DYNC1I1: variants seen among roughly 807,000 people sequenced by gnomAD.
DYNC1I1 encodes the protein cytoplasmic dynein 1 intermediate chain 1.
DYNC1I1 carries 43 observed loss-of-function variants against 86.6 expected under a neutral mutation model. The observed-to-expected ratio is 0.50, with a 90% CI of 0.39 to 0.64. The LOEUF is 0.64. Ranked by LOEUF, DYNC1I1 falls within the 30% of genes least tolerant of loss-of-function variation. DYNC1I1 has a pLI of 0.00. For missense variants in DYNC1I1, 604 were observed against 788.8 expected (o/e 0.77, Z 2.81); for synonymous variants, 262 against 283.7 (o/e 0.92, Z 0.77).
chr7:96,010,158 C>G lies in DYNC1I1; in HGVS notation c.969+14085C>G, dbSNP rs1229939158. Among the ~76,000 whole-genome samples the G allele has an allele frequency of 2.0e-5, 3 of 152,088 alleles. No homozygotes were observed. The East Asian group carries it at 5.8e-4, about 29-fold the overall frequency. On this transcript the variant is annotated intron_variant, in intron 10 of 16. Transcript: ENST00000447467. The stretch of plus-strand genomic sequence containing the variant: ...TGTCTTTGAGGAATCTGTCCCTGCC[C>G]CACTAGGTCAAAAGCAAGAATAGGT...
intron 6 of DYNC1I1, among the ~76,000 whole-genome samples, chr7:95,900,878 C>T (rs1791020591): frequency 6.6e-6 from 1 of 152,072 alleles, no homozygotes; most frequent in East Asian, 1.9e-4. Context: ...ATATTTTAGA[C>T]TGTGTTCCTT....
intron 7 of DYNC1I1, among the ~76,000 whole-genome samples, chr7:95,978,363 G>T (rs1038497719): frequency 1.3e-5 from 2 of 151,962 alleles, no homozygotes; most frequent in East Asian, 1.9e-4. Context: ...TAAGTAGAAA[G>T]AAAGAAAAAA....
chr7:95,890,171 G>A (rs1234530189), intron 6 of DYNC1I1, among the ~76,000 whole-genome samples: 1 of 152,100 alleles, frequency 6.6e-6, no homozygotes, highest in African/African-American at 2.4e-5. Flanking sequence ...GCAAATATAT[G>A]GAATCAACCT....
chr7:95,992,629 C>CTTTTTTTTT (rs928295905), intron 9 of DYNC1I1, among the ~76,000 whole-genome samples: 59 of 148,088 alleles, frequency 4.0e-4, no homozygotes, highest in African/African-American at 1.2e-3. Flanking sequence ...ATGCTAGGTT[C>CTTTTTTTTT]TTTTTTTTTT....
At chr7:95,892,735 C>A (rs565131076) in intron 6 of DYNC1I1, among the ~76,000 whole-genome samples, 25 of 152,344 alleles carry the variant, frequency 1.6e-4, no homozygotes, top group Admixed American at 7.2e-4. Flanking sequence ...GTGTGAGCCA[C>A]CGCACCTGGC....
At chr7:95,784,606 A>G (rs1269149620) in intron 1 of DYNC1I1, among the ~76,000 whole-genome samples, 1 of 152,208 alleles carries the variant, frequency 6.6e-6, no homozygotes, top group Non-Finnish European at 1.5e-5. Context: ...TTTGGCAAAT[A>G]GTTATGAGGA....
At chr7:95,878,948 G>T (rs372083910) in intron 6 of DYNC1I1, among the ~76,000 whole-genome samples, 6 of 17,886 alleles carry the variant, frequency 3.4e-4, no homozygotes, top group Admixed American at 7.1e-4. Context: ...CCAAAGAAAA[G>T]AAGAAAAAAA....
intron 6 of DYNC1I1, among the ~76,000 whole-genome samples, chr7:95,953,329 A>G (rs1415878268): frequency 6.6e-6 from 1 of 151,890 alleles, no homozygotes; most frequent in Non-Finnish European, 1.5e-5. Context: ...TGCTGTAAAA[A>G]CTGAGTTGTA....
intron 7 of DYNC1I1, among the ~76,000 whole-genome samples, chr7:95,979,683 T>C (rs1793402186): frequency 6.6e-6 from 1 of 152,212 alleles, no homozygotes; most frequent in Non-Finnish European, 1.5e-5. Context: ...TTATTTCTGT[T>C]ACTGTGCTAG....
At chr7:95,884,651 T>TG (rs1790543164) in intron 6 of DYNC1I1, among the ~76,000 whole-genome samples, 2 of 152,002 alleles carry the variant, frequency 1.3e-5, no homozygotes, top group South Asian at 4.2e-4. Flanking sequence ...GACAACAGCT[T>TG]GGCCGGGCAT....
At chr7:95,941,759 TGAGGCAATGCCTTGCCCTGCTTC>T (rs1792229564) in intron 6 of DYNC1I1, among the ~76,000 whole-genome samples, 1 of 152,208 alleles carries the variant, frequency 6.6e-6, no homozygotes, top group Non-Finnish European at 1.5e-5. Flanking sequence ...GCTTCCCAAG[TGAGGCAATGCCTTGCCCTGCTTC>T]GGCTCACACA....
intron 5 of DYNC1I1, among the ~76,000 whole-genome samples, chr7:95,867,732 G>A (rs1790051397): frequency 6.6e-6 from 1 of 152,144 alleles, no homozygotes; most frequent in African/African-American, 2.4e-5. Context: ...TGAGGGTTTA[G>A]GGTGATCTCT....
chr7:96,048,445 A>ACAG (rs1242844601), intron 14 of DYNC1I1, among the ~76,000 whole-genome samples: 2 of 152,106 alleles, frequency 1.3e-5, no homozygotes, highest in African/African-American at 2.4e-5. Context: ...ATCAGAAGCA[A>ACAG]CAGCATTACC....
At chr7:96,006,747 G>A (rs1252394871) in intron 10 of DYNC1I1, among the ~76,000 whole-genome samples, 3 of 152,194 alleles carry the variant, frequency 2.0e-5, no homozygotes, top group Non-Finnish European at 2.9e-5. Flanking sequence ...TGTGCAAATA[G>A]AAATTTTCAC....
intron 11 of DYNC1I1, 34 bp from the exon 12 acceptor site, chr7:96,032,633 C>G: frequency 6.6e-7 from 1 of 1,514,868 alleles, no homozygotes; most frequent in Non-Finnish European, 9.1e-7. Context: ...CCTCTTGGAT[C>G]TGTCTCTGAT....
intron 1 of DYNC1I1, among the ~76,000 whole-genome samples, chr7:95,798,021 ATAAT>A (rs1373043487): frequency 6.6e-6 from 1 of 152,174 alleles, no homozygotes; most frequent in African/African-American, 2.4e-5. Context: ...TTATTTTAAA[ATAAT>A]TAAATACTTA....
chr7:95,889,215 TA>T (rs975905967), intron 6 of DYNC1I1, among the ~76,000 whole-genome samples: 27 of 152,238 alleles, frequency 1.8e-4, no homozygotes, highest in African/African-American at 5.3e-4. Flanking sequence ...TGCCTCCTTA[TA>T]AAAAAGGGTT....
At chr7:95,923,523 T>G (rs1326756642) in intron 6 of DYNC1I1, among the ~76,000 whole-genome samples, 1 of 152,138 alleles carries the variant, frequency 6.6e-6, no homozygotes, top group Non-Finnish European at 1.5e-5. Context: ...TGAGACAGTG[T>G]AAACCCTGCT....
intron 7 of DYNC1I1, among the ~76,000 whole-genome samples, chr7:95,981,319 C>T (rs1376709929): frequency 6.6e-6 from 1 of 151,904 alleles, no homozygotes; most frequent in East Asian, 1.9e-4. Flanking sequence ...GTCAAGAAAA[C>T]ACGGCAAATG....
Sources: allele counts gnomAD v4.1 joint callset (sites outside exome capture counted in the v4.1 genomes callset), GRCh38; gene constraint gnomAD v4.1.1; transcripts MANE v1.5; gene names NCBI Gene and HGNC (gene_info 2026-07-23, HGNC 2026-07-21).